The following TRIM2 variants were observed in gnomAD, a reference collection of about 807,000 sequenced individuals.
TRIM2 encodes the protein tripartite motif containing 2, also known as tripartite motif-containing protein 2.
In TRIM2, 20 loss-of-function variants were observed where a neutral mutation model predicts 75.2. That is an observed-to-expected ratio of 0.27 (90% CI 0.19 to 0.39). The LOEUF (loss-of-function observed/expected upper bound fraction) is 0.39. Among genes scored for constraint, TRIM2 ranks in the 10% least tolerant of loss-of-function variants. The pLI is 1.00. For synonymous variants in TRIM2, 373 were observed against 388.3 expected (o/e 0.96, Z 0.46); for missense variants, 660 against 990.8 (o/e 0.67, Z 4.48).
chr4:153,244,313 C>CT lies in TRIM2; in HGVS notation c.31-26021dup, dbSNP rs1747914480. On this transcript the variant is annotated intron_variant, in intron 1 of 11. Transcript: ENST00000338700. ...CCTCCTCCTCCTCCTCCTCCTCCTCCTCCTCCTCTTCTTCTTCTTCTTCTT... is the reference window on the plus strand; with the variant it reads ...CCTCCTCCTCCTCCTCCTCCTCCTCCTTCCTCCTCTTCTTCTTCTTCTTCTT... 1.1e-4 allele frequency among the ~76,000 whole-genome samples: 3 copies of CT among 28,028 alleles called. 1 individual carries two copies. The highest frequency in any genetic ancestry group is 1.9e-4 in the African/African-American group (1 of 5,210). The allele number at this position is 28,028 out of a possible 152,430, so 18.4% of individuals were successfully genotyped here.
At chr4:153,264,910 A>G (rs986784172) in intron 1 of TRIM2, among the ~76,000 whole-genome samples, 3 of 152,224 alleles carry the variant, frequency 2.0e-5, no homozygotes, top group African/African-American at 4.8e-5. Context: ...CTTGTGACAG[A>G]TCTGTGATAC....
At chr4:153,178,680 C>T (rs1376711680) in intron 1 of TRIM2, among the ~76,000 whole-genome samples, 1 of 152,184 alleles carries the variant, frequency 6.6e-6, no homozygotes, top group African/African-American at 2.4e-5. Flanking sequence ...ATCCTGTAGC[C>T]TTCTCTTAGA....
At chr4:153,249,138 T>A (rs1436085675) in intron 1 of TRIM2, among the ~76,000 whole-genome samples, 1 of 152,276 alleles carries the variant, frequency 6.6e-6, no homozygotes, top group South Asian at 2.1e-4. Context: ...TCAGTTCTTT[T>A]ACAAAGTGGT....
In TRIM2 at chr4:153,338,841, T is replaced by A. The variant is rs879938748; in HGVS notation, c.*3875T>A. On this transcript the variant is annotated 3_prime_UTR_variant, in exon 12 of 12. Coordinates refer to ENST00000338700, the MANE Select transcript of TRIM2 (RefSeq NM_015271.5). ...AACACAGCCTTAAACTCAATGCTTTTGCTTTATGACATGGGAATGTTCTGT... is the reference window on the plus strand; with the variant it reads ...AACACAGCCTTAAACTCAATGCTTTAGCTTTATGACATGGGAATGTTCTGT... 2 of 985,736 alleles carry A rather than the reference T, an allele frequency of 2.0e-6. No homozygotes were observed. The highest frequency in any genetic ancestry group is 2.4e-6 in the Non-Finnish European group (2 of 829,928). The allele number at this position is 985,736 out of a possible 1,614,324, so 61.1% of individuals were successfully genotyped here. A position where few individuals can be genotyped will look rare whatever the true frequency, so the allele number is the denominator to read the frequency against.
chr4:153,275,612 GGCTGACGCT>G (rs1222997858), intron 2 of TRIM2, among the ~76,000 whole-genome samples: 3 of 152,232 alleles, frequency 2.0e-5, no homozygotes, highest in Admixed American at 2.0e-4. Flanking sequence ...CCCCCAGGGA[GGCTGACGCT>G]GCTCATCCAT....
intron 1 of TRIM2, among the ~76,000 whole-genome samples, chr4:153,267,249 G>T (rs141583687): frequency 1.3e-4 from 20 of 152,034 alleles, no homozygotes; most frequent in African/African-American, 4.8e-4. Flanking sequence ...GGTCAAGGGC[G>T]GTGTTGTGGT....
Position 153,295,215 on chromosome 4 carries a change from G to T in TRIM2, c.787-98G>T. 7.1e-7 allele frequency: 1 copy of T among 1,415,928 alleles called. No homozygotes were observed. The highest frequency in any genetic ancestry group is 2.5e-5 in the East Asian group (1 of 39,682). The allele number at this position is 1,415,928 out of a possible 1,614,324, so 87.7% of individuals were successfully genotyped here. A position where few individuals can be genotyped will look rare whatever the true frequency, so the allele number is the denominator to read the frequency against. On this transcript the variant is annotated intron_variant, in intron 5 of 11. Transcript: ENST00000338700. The surrounding 1 kb of genome is among the most constrained non-coding windows in gnomAD (Gnocchi z 7.2). ...CCGCTTGCTCAGAGCCACCTGCGTG[G>T]GCAGGTGTAGAGTCTCCTTCTCGCC...
At chr4:153,270,261 G>A in intron 1 of TRIM2, 74 bp from the exon 2 acceptor site, 3 of 1,514,150 alleles carry the variant, frequency 2.0e-6, no homozygotes, top group Non-Finnish European at 2.7e-6. Context: ...CAATGCTTAT[G>A]GTGAAAGAGC....
At chr4:153,322,846 T>C (rs902662553) in intron 9 of TRIM2, 30 bp downstream of exon 9, 1 of 1,611,810 alleles carries the variant, frequency 6.2e-7, no homozygotes, top group Non-Finnish European at 8.5e-7. Flanking sequence ...GTAAACCCCC[T>C]TTTTTATGCT....
At chr4:153,212,617 C>T (rs1252262411) in intron 1 of TRIM2, among the ~76,000 whole-genome samples, 1 of 152,150 alleles carries the variant, frequency 6.6e-6, no homozygotes. Flanking sequence ...GATTGCACCA[C>T]TGCAGTCCAG....
intron 1 of TRIM2, among the ~76,000 whole-genome samples, chr4:153,167,789 CAA>C (rs1373726631): frequency 6.6e-6 from 1 of 152,178 alleles, no homozygotes; most frequent in Non-Finnish European, 1.5e-5. Context: ...CAAACCTTCA[CAA>C]ACAGTGCCTA....
intron 1 of TRIM2, among the ~76,000 whole-genome samples, chr4:153,214,900 G>A (rs1389496106): frequency 1.3e-5 from 2 of 152,114 alleles, no homozygotes; most frequent in Admixed American, 1.3e-4. Context: ...TTTTTTCAAT[G>A]TTAAGCTATT....
chr4:153,211,930 A>G (rs1479370141), intron 1 of TRIM2, among the ~76,000 whole-genome samples: 2 of 152,208 alleles, frequency 1.3e-5, no homozygotes, highest in East Asian at 3.8e-4. Context: ...GCTGTCTCCC[A>G]AGATGGTTTG....
At chr4:153,245,842 A>G (rs1748993085) in intron 1 of TRIM2, among the ~76,000 whole-genome samples, 1 of 152,044 alleles carries the variant, frequency 6.6e-6, no homozygotes, top group African/African-American at 2.4e-5. Flanking sequence ...ATGCACGGCT[A>G]GTTTCTTTGT....
chr4:153,244,191 T>TCTTCTCCTCCTTTTC (rs1169051811), intron 1 of TRIM2, among the ~76,000 whole-genome samples: 4 of 143,620 alleles, frequency 2.8e-5, no homozygotes, highest in African/African-American at 8.2e-5. Context: ...TCCTCCTTCT[T>TCTTCTCCTCCTTTTC]CTTCTCCTCC....
intron 11 of TRIM2, among the ~76,000 whole-genome samples, chr4:153,330,217 T>C (rs912660045): frequency 3.9e-5 from 6 of 152,228 alleles, no homozygotes; most frequent in Non-Finnish European, 8.8e-5. Context: ...GATTTCACCA[T>C]GGAATTCTTC....
In TRIM2 at chr4:153,338,982, A is replaced by G; in HGVS notation, c.*4016A>G. ...TTTTTTTTTGCTTTGTTTTCTTTTT[A>G]GATTTTGTACATTCCATCTTTATAG... On this transcript the variant is annotated 3_prime_UTR_variant, in exon 12 of 12. Transcript: ENST00000338700. The G allele has an allele frequency of 1.0e-6, 1 of 970,874 alleles. No homozygotes were observed. The highest frequency in any genetic ancestry group is 1.2e-6 in the Non-Finnish European group (1 of 824,932). 60.1% of individuals were successfully genotyped at this position (970,874 alleles called of 1,614,324 possible). A position where few individuals can be genotyped will look rare whatever the true frequency, so the allele number is the denominator to read the frequency against.
intron 1 of TRIM2, among the ~76,000 whole-genome samples, chr4:153,177,849 T>A (rs1731630852): frequency 6.6e-6 from 1 of 151,872 alleles, no homozygotes; most frequent in Non-Finnish European, 1.5e-5. Context: ...TCACCCAGGC[T>A]GAAGTGCAGT....
intron 1 of TRIM2, among the ~76,000 whole-genome samples, chr4:153,153,978 G>T (rs201512497): frequency 1.9e-4 from 29 of 152,024 alleles, no homozygotes; most frequent in Non-Finnish European, 3.1e-4. Context: ...GGGGGGTGTG[G>T]TTTTTTTTCC....
Sources: allele counts gnomAD v4.1 joint callset (sites outside exome capture counted in the v4.1 genomes callset), GRCh38; gene constraint gnomAD v4.1.1; non-coding constraint Gnocchi (gnomAD v3.1); transcripts MANE v1.5; gene names NCBI Gene and HGNC (gene_info 2026-07-23, HGNC 2026-07-21).